TMEM272: variants seen among roughly 807,000 people sequenced by gnomAD.
TMEM272 encodes the protein long intergenic non-protein coding RNA 282.
TMEM272 carries 8 observed loss-of-function variants against 3.7 expected under a neutral mutation model. The observed-to-expected ratio is 2.17, with a 90% CI of 1.27 to 3.91. The LOEUF is 3.91. Ranked by LOEUF, TMEM272 falls within the 30% of genes most tolerant of loss-of-function variation. The pLI is 0.00. For synonymous variants in TMEM272, 63 were observed against 39.8 expected (o/e 1.58, Z -2.20); for missense variants, 166 against 91.5 (o/e 1.81, Z -3.32).
the TMEM272 span, among the ~76,000 whole-genome samples, chr13:51,891,248 C>T: frequency 6.6e-6 from 1 of 152,162 alleles, no homozygotes; most frequent in Non-Finnish European, 1.5e-5. Flanking sequence ...AGAAAAATTA[C>T]CAAGAGAAAA....
At chr13:51,894,875 C>G in the TMEM272 span, among the ~76,000 whole-genome samples, 2 of 151,718 alleles carry the variant, frequency 1.3e-5, no homozygotes, top group Non-Finnish European at 2.9e-5. Flanking sequence ...TTAGTGGGAG[C>G]CCTGAGCTTG....
chr13:51,820,958 A>G (rs1956073575), intron 4 of TMEM272, among the ~76,000 whole-genome samples: 1 of 152,222 alleles, frequency 6.6e-6, no homozygotes. Flanking sequence ...AAAGCCTCCT[A>G]AGGTTTGCCC....
the TMEM272 span, chr13:51,910,767 A>T: frequency 1.7e-5 from 6 of 355,708 alleles, no homozygotes; most frequent in South Asian, 1.2e-4. Flanking sequence ...GCTGCGGGGG[A>T]ATCTGGAGGA....
chr13:51,863,449 G>C, the TMEM272 span, among the ~76,000 whole-genome samples: 17 of 152,154 alleles, frequency 1.1e-4, no homozygotes, highest in Admixed American at 6.5e-4. Flanking sequence ...ATCCTGGCCT[G>C]ACCTGGCTGT....
At chr13:51,841,301 A>C (rs1259437553) in intron 1 of TMEM272, among the ~76,000 whole-genome samples, 1 of 152,224 alleles carries the variant, frequency 6.6e-6, no homozygotes, top group East Asian at 1.9e-4. Context: ...GGATCACAGA[A>C]GGGATAGAAC....
At chr13:51,842,912 A>T (rs1246278238) in intron 1 of TMEM272, among the ~76,000 whole-genome samples, 1 of 152,218 alleles carries the variant, frequency 6.6e-6, no homozygotes, top group Non-Finnish European at 1.5e-5. Flanking sequence ...TTTCATGCAC[A>T]CGTAGATCTC....
chr13:51,896,814 A>G, the TMEM272 span, among the ~76,000 whole-genome samples: 3 of 152,208 alleles, frequency 2.0e-5, no homozygotes. Context: ...GCTCAGGACA[A>G]TTCAGAGAAC....
At chr13:51,878,639 AT>A in the TMEM272 span, among the ~76,000 whole-genome samples, 1 of 152,072 alleles carries the variant, frequency 6.6e-6, no homozygotes, top group East Asian at 1.9e-4. Flanking sequence ...CCAATAGCTT[AT>A]TTTTTAAGTA....
chr13:51,918,947 C>T, the TMEM272 span, among the ~76,000 whole-genome samples: 1 of 151,816 alleles, frequency 6.6e-6, no homozygotes, highest in African/African-American at 2.4e-5. Context: ...CATGACCGGC[C>T]CCATAATTAG....
the TMEM272 span, among the ~76,000 whole-genome samples, chr13:51,857,463 G>A: frequency 3.3e-5 from 5 of 152,120 alleles, no homozygotes; most frequent in East Asian, 1.9e-4. Flanking sequence ...TTGAATATAC[G>A]CAGAATTAAA....
chr13:51,865,836 A>T, the TMEM272 span: 2 of 1,614,186 alleles, frequency 1.2e-6, no homozygotes, highest in Non-Finnish European at 1.7e-6. Context: ...CTTCAGGAGG[A>T]CAAGGCCCTG....
In TMEM272 at chr13:51,815,329, G is replaced by A. The variant is rs1956009637; in HGVS notation, c.*1422C>T. 6.6e-6 allele frequency: 1 copy of A among 152,662 alleles called. No homozygotes were observed. The highest frequency in any genetic ancestry group is 1.5e-5 in the Non-Finnish European group (1 of 68,084). 9.5% of individuals were successfully genotyped at this position (152,662 alleles called of 1,614,324 possible). A position where few individuals can be genotyped will look rare whatever the true frequency, so the allele number is the denominator to read the frequency against. ...ACACCAAGCACTTTCTTCTCACCTGGGAGGAAAGGGGGACTAACGGTGACT... is the reference window on the plus strand; with the variant it reads ...ACACCAAGCACTTTCTTCTCACCTGAGAGGAAAGGGGGACTAACGGTGACT... On this transcript the variant is annotated 3_prime_UTR_variant, in exon 5 of 5. Coordinates refer to ENST00000629372, the MANE Select transcript of TMEM272 (RefSeq NM_001351003.2).
chr13:51,933,574 G>A, the TMEM272 span: 5,060 of 152,318 alleles, frequency 0.033, 242 homozygotes, highest in African/African-American at 0.11. Context: ...GAGAGCCACT[G>A]CCAGGTAAAC....
At chr13:51,929,343 T>C in the TMEM272 span, among the ~76,000 whole-genome samples, 1 of 152,244 alleles carries the variant, frequency 6.6e-6, no homozygotes, top group African/African-American at 2.4e-5. Flanking sequence ...GGGCTGCTAG[T>C]ACAGGTGTTG....
At chr13:51,899,978 A>G in the TMEM272 span, among the ~76,000 whole-genome samples, 1 of 152,222 alleles carries the variant, frequency 6.6e-6, no homozygotes, top group Non-Finnish European at 1.5e-5. Flanking sequence ...CTCCTATTAC[A>G]AACCACATAC....
chr13:51,909,171 T>C, the TMEM272 span: 3 of 1,394,334 alleles, frequency 2.2e-6, no homozygotes, highest in African/African-American at 4.3e-5. Flanking sequence ...TTCAGCTAAT[T>C]TTTGTCTTTT....
At chr13:51,847,068 T>G (rs1956310763), upstream of TMEM272, among the ~76,000 whole-genome samples, 1 of 152,188 alleles carries the variant, frequency 6.6e-6, no homozygotes, top group South Asian at 2.1e-4. Flanking sequence ...CATATCCTAT[T>G]TTTACTGTAC....
chr13:51,861,085 C>T, the TMEM272 span, among the ~76,000 whole-genome samples: 2 of 151,690 alleles, frequency 1.3e-5, no homozygotes, highest in African/African-American at 2.4e-5. Context: ...ATAAGCCAGA[C>T]ACAGAAAGAA....
chr13:51,843,904 A>G (rs1956281883), intron 1 of TMEM272, among the ~76,000 whole-genome samples: 2 of 152,244 alleles, frequency 1.3e-5, no homozygotes, highest in Non-Finnish European at 2.9e-5. Context: ...TCCAATTGAT[A>G]TATCTCAGTG....
Sources: gnomAD v4.1 joint callset for allele counts (sites outside exome capture counted in the v4.1 genomes callset) on GRCh38, gnomAD v4.1.1 for gene constraint, MANE v1.5 for transcripts, NCBI Gene and HGNC (gene_info 2026-07-23, HGNC 2026-07-21) for gene names.